NCKAP5: variants seen among roughly 807,000 people sequenced by gnomAD.
NCKAP5 encodes nck-associated protein 5.
In NCKAP5, 92 loss-of-function variants were observed where a neutral mutation model predicts 167.0. That is an observed-to-expected ratio of 0.55 (90% confidence interval 0.47 to 0.66). The LOEUF (loss-of-function observed/expected upper bound fraction) is 0.66, where lower values mean the gene tolerates loss of function less well. Ranked by LOEUF, NCKAP5 falls within the 30% of genes least tolerant of loss-of-function variation. The pLI, the probability that NCKAP5 is intolerant of heterozygous loss-of-function variation, is 0.00. For synonymous variants in NCKAP5, 891 were observed against 877.4 expected (o/e 1.02, Z -0.27); for missense variants, 2,378 against 2,315.0 (o/e 1.03, Z -0.56).
chr2:132,998,006 C>T lies in NCKAP5; in HGVS notation c.342-3767G>A, dbSNP rs2077658357. ...CCAAGATCACTCAGCTTGTTCCTGGCAGGTAAAGGCCTGGTATCCTGGTTT... is the reference window on the plus strand; with the variant it reads ...CCAAGATCACTCAGCTTGTTCCTGGTAGGTAAAGGCCTGGTATCCTGGTTT... On this transcript the variant is annotated intron_variant, in intron 6 of 19. Coordinates refer to ENST00000409261, the MANE Select transcript of NCKAP5 (RefSeq NM_207363.3). Among the ~76,000 whole-genome samples, 7 of 152,252 alleles carry T rather than the reference C, an allele frequency of 4.6e-5. No homozygotes were observed. In the South Asian group the frequency reaches 1.5e-3, roughly 32 times the overall value.
intron 16 of NCKAP5, among the ~76,000 whole-genome samples, chr2:132,753,345 A>G (rs997180495): frequency 6.6e-6 from 1 of 152,170 alleles, no homozygotes; most frequent in Non-Finnish European, 1.5e-5. Context: ...GCTTGAAGAG[A>G]CATTATTATT....
chr2:133,669,646 G>T, the NCKAP5 span, among the ~76,000 whole-genome samples: 2 of 152,186 alleles, frequency 1.3e-5, no homozygotes, highest in Non-Finnish European at 2.9e-5. Context: ...ATGTTACATA[G>T]AATTTCAACC....
chr2:132,764,620 A>G (rs1003568504), intron 16 of NCKAP5, among the ~76,000 whole-genome samples: 7 of 151,920 alleles, frequency 4.6e-5, no homozygotes, highest in South Asian at 2.1e-4. Flanking sequence ...TCCCCATCCA[A>G]CCATAGGCAT....
chr2:133,189,723 A>G (rs1302495765), intron 5 of NCKAP5, among the ~76,000 whole-genome samples: 1 of 152,236 alleles, frequency 6.6e-6, no homozygotes, highest in Non-Finnish European at 1.5e-5. Context: ...GGCCTTTGAC[A>G]AAATTCAACA....
chr2:132,956,151 A>T (rs150784302), intron 8 of NCKAP5, among the ~76,000 whole-genome samples: 1 of 152,220 alleles, frequency 6.6e-6, no homozygotes, highest in Non-Finnish European at 1.5e-5. Flanking sequence ...AGCTTGATGT[A>T]ATTATTACAT....
the NCKAP5 span, among the ~76,000 whole-genome samples, chr2:133,661,966 A>C: frequency 6.6e-6 from 1 of 151,962 alleles, no homozygotes; most frequent in Admixed American, 6.6e-5. Context: ...AACTAGAACT[A>C]ACTTATATTG....
chr2:132,789,498 G>A (rs996056438), intron 13 of NCKAP5, among the ~76,000 whole-genome samples: 1 of 152,152 alleles, frequency 6.6e-6, no homozygotes, highest in African/African-American at 2.4e-5. Flanking sequence ...TTTCTACACT[G>A]CTAAAACCAT....
intron 11 of NCKAP5, among the ~76,000 whole-genome samples, chr2:132,809,348 C>T (rs984370438): frequency 6.6e-6 from 1 of 152,108 alleles, no homozygotes; most frequent in South Asian, 2.1e-4. Flanking sequence ...GATGACCTGT[C>T]TAGTGCTGTC....
chr2:133,634,612 C>A, the NCKAP5 span, among the ~76,000 whole-genome samples: 48 of 152,230 alleles, frequency 3.2e-4, 1 homozygote, highest in African/African-American at 1.1e-3. Flanking sequence ...TTTACAGAAT[C>A]CTCATTTCTA....
intron 3 of NCKAP5, among the ~76,000 whole-genome samples, chr2:133,486,781 T>G (rs79009675): frequency 0.026 from 3,976 of 152,340 alleles, 65 homozygotes; most frequent in Non-Finnish European, 0.038. Context: ...AGGAGCTGTT[T>G]GTTTTTGTTC....
chr2:133,016,194 C>T (rs960062681), intron 6 of NCKAP5, among the ~76,000 whole-genome samples: 2 of 152,078 alleles, frequency 1.3e-5, no homozygotes, highest in Non-Finnish European at 1.5e-5. Context: ...AAATAAAATC[C>T]GAGCTACTGT....
intron 8 of NCKAP5, among the ~76,000 whole-genome samples, chr2:132,948,476 G>T (rs570991236): frequency 2.0e-5 from 3 of 152,302 alleles, no homozygotes; most frequent in African/African-American, 7.2e-5. Context: ...GGCACAGGCA[G>T]GGAGGCAGAG....
Position 132,712,812 on chromosome 2 carries a change from C to CAGAG in NCKAP5, c.5713+12811_5713+12814dup, listed in dbSNP as rs544283472. ...ATCTCTGGTGTTAAGGGATAAGCAGCAGAGAACAAGAGCAATTTGATGGTC... is the reference window on the plus strand; with the variant it reads ...ATCTCTGGTGTTAAGGGATAAGCAGCAGAGAGAGAACAAGAGCAATTTGATGGTC... On this transcript the variant is annotated intron_variant, in intron 19 of 19. Transcript: ENST00000409261. 7.5e-3 allele frequency among the ~76,000 whole-genome samples: 1,138 copies of CAGAG among 152,232 alleles called. 6 individuals carry two copies. Among genetic ancestry groups the CAGAG allele is most frequent in the Non-Finnish European group, 8.4e-3 (570 of 68,012 alleles).
At chr2:133,631,196 T>C in the NCKAP5 span, among the ~76,000 whole-genome samples, 1 of 152,198 alleles carries the variant, frequency 6.6e-6, no homozygotes, top group Admixed American at 6.5e-5. Flanking sequence ...TATACAAATG[T>C]GTATATGGGT....
At chr2:133,037,983 T>G (rs976970177) in intron 6 of NCKAP5, among the ~76,000 whole-genome samples, 2 of 152,106 alleles carry the variant, frequency 1.3e-5, no homozygotes, top group African/African-American at 4.8e-5. Context: ...CTGGTGAGGA[T>G]GTCAACAAAA....
At chr2:133,369,506 C>T (rs1163233214) in intron 3 of NCKAP5, among the ~76,000 whole-genome samples, 2 of 152,142 alleles carry the variant, frequency 1.3e-5, no homozygotes, top group African/African-American at 4.8e-5. Context: ...AACTGTTTAG[C>T]CATGTAGGTT....
chr2:133,627,259 C>A, the NCKAP5 span, among the ~76,000 whole-genome samples: 1 of 152,122 alleles, frequency 6.6e-6, no homozygotes, highest in East Asian at 1.9e-4. Context: ...GAAATTCATT[C>A]TCAACAAAGC....
At chr2:133,044,425 G>A (rs965570949) in intron 6 of NCKAP5, among the ~76,000 whole-genome samples, 4 of 151,872 alleles carry the variant, frequency 2.6e-5, no homozygotes, top group African/African-American at 7.3e-5. Context: ...ACACATGAAC[G>A]GGCACCTCAA....
intron 6 of NCKAP5, among the ~76,000 whole-genome samples, chr2:133,071,123 G>A (rs1287347780): frequency 6.6e-6 from 1 of 152,108 alleles, no homozygotes; most frequent in Non-Finnish European, 1.5e-5. Flanking sequence ...TAATTTCCAG[G>A]AAGCTTCAAC....
Sources: gnomAD v4.1 joint callset for allele counts (sites outside exome capture counted in the v4.1 genomes callset) on GRCh38, gnomAD v4.1.1 for gene constraint, MANE v1.5 for transcripts, NCBI Gene and HGNC (gene_info 2026-07-23, HGNC 2026-07-21) for gene names.